Variants in LAMB1 observed in about 807,000 individuals in gnomAD.
The protein encoded by LAMB1 is laminin subunit beta-1.
A neutral mutation model predicts 222.3 loss-of-function variants in LAMB1; 121 were observed. The observed-to-expected ratio is 0.54, with a 90% confidence interval of 0.47 to 0.63. The LOEUF (loss-of-function observed/expected upper bound fraction) is 0.63, where lower values mean the gene tolerates loss of function less well. Among genes scored for constraint, LAMB1 ranks in the 30% least tolerant of loss-of-function variants. The pLI, the probability that LAMB1 is intolerant of heterozygous loss-of-function variation, is 0.00. For missense variants in LAMB1, 2,172 were observed against 2,240.8 expected, an observed-to-expected ratio of 0.97 and a Z score of 0.62; for synonymous variants, 794 against 807.2, an observed-to-expected ratio of 0.98 and a Z score of 0.28.
intron 26 of LAMB1, among the ~76,000 whole-genome samples, chr7:107,935,918 C>G (rs899857944): frequency 4.6e-5 from 7 of 152,186 alleles, no homozygotes; most frequent in African/African-American, 1.4e-4. Context: ...TATACACAAG[C>G]AAACATCCAG....
At chr7:107,947,304 T>C (rs1272753501) in intron 24 of LAMB1, among the ~76,000 whole-genome samples, 1 of 152,264 alleles carries the variant, frequency 6.6e-6, no homozygotes, top group Non-Finnish European at 1.5e-5. Context: ...TATAAGCATA[T>C]TGTTAGCTAG....
intron 21 of LAMB1, among the ~76,000 whole-genome samples, chr7:107,954,236 C>T (rs1196916083): frequency 6.6e-6 from 1 of 152,054 alleles, no homozygotes; most frequent in Non-Finnish European, 1.5e-5. Context: ...CTCACTGCAG[C>T]CCTGAATTTC....
At chr7:107,986,533 T>C (rs1226059954) in intron 5 of LAMB1, among the ~76,000 whole-genome samples, 170 bp from the exon 6 acceptor site, 1 of 152,212 alleles carries the variant, frequency 6.6e-6, no homozygotes, top group Non-Finnish European at 1.5e-5. Flanking sequence ...CCACAGAGAC[T>C]CTTCTTGCAA....
intron 12 of LAMB1, 87 bp from the exon 13 acceptor site, chr7:107,973,158 G>T: frequency 1.9e-6 from 2 of 1,072,256 alleles, no homozygotes; most frequent in Non-Finnish European, 1.4e-6. Flanking sequence ...GCTTGTTTCG[G>T]CTGTTCCACC....
chr7:107,999,487 G>A (rs951447233), intron 3 of LAMB1, among the ~76,000 whole-genome samples: 13 of 152,140 alleles, frequency 8.5e-5, no homozygotes, highest in African/African-American at 2.9e-4. Context: ...TTAACTGACC[G>A]TACTTTTACG....
intron 9 of LAMB1, among the ~76,000 whole-genome samples, chr7:107,977,267 G>A (rs755839861): frequency 6.6e-6 from 1 of 152,144 alleles, no homozygotes; most frequent in Non-Finnish European, 1.5e-5. Flanking sequence ...CTCTTCAAGG[G>A]GAGGACATGC....
chr7:107,946,546 CTT>C (rs2116376274), intron 24 of LAMB1, among the ~76,000 whole-genome samples: 1 of 152,384 alleles, frequency 6.6e-6, no homozygotes, highest in African/African-American at 2.4e-5. Context: ...GGGTGTAAAA[CTT>C]ATATTAGCTA....
rs756852210 is a variant in LAMB1, at chr7:107,940,236, C to A, written c.3514G>T (p.Val1172Phe). 3.1e-6 allele frequency: 5 copies of A among 1,614,064 alleles called. No individual in the cohort carries two copies. The highest frequency in any genetic ancestry group is 4.2e-6 in the Non-Finnish European group (5 of 1,180,034). The change falls in exon 25 of 34, where the codon GTC becomes TTC. Residue 1172 changes from valine (V) to phenylalanine (F), a missense_variant. Transcript: ENST00000222399. ...CDKCTRGYSG[V>F]FPDCTPCHQC... is the part of the protein sequence containing the mutation. ...TGGCAGGGTGTGCAGTCAGGGAAGA[C>A]CCCCGAGTACCCTCGCGTGCACTTG...
chr7:107,958,100 C>G (rs2033415795), intron 20 of LAMB1, among the ~76,000 whole-genome samples: 1 of 152,140 alleles, frequency 6.6e-6, no homozygotes, highest in Admixed American at 6.5e-5. Flanking sequence ...TAATCTTTTT[C>G]TCATGTCTTT....
In LAMB1 at chr7:107,975,967, G is replaced by A. The variant is rs555951584; in HGVS notation, c.1001-90C>T. ...GGCAGGAAGATCCTTTAGGAAACCAGGGACTAAGTTCAGACAAAATGGCAG... is the reference window on the plus strand; with the variant it reads ...GGCAGGAAGATCCTTTAGGAAACCAAGGACTAAGTTCAGACAAAATGGCAG... On this transcript the variant is annotated intron_variant, in intron 9 of 33. Transcript: ENST00000222399. 15 of 1,162,784 alleles carry A rather than the reference G, an allele frequency of 1.3e-5. No homozygotes were observed. In the East Asian group the frequency reaches 3.2e-4, roughly 25 times the overall value. 72.0% of individuals were successfully genotyped at this position (1,162,784 alleles called of 1,614,324 possible).
intron 5 of LAMB1, among the ~76,000 whole-genome samples, chr7:107,991,588 CAAAA>C (rs985284673): frequency 8.4e-6 from 1 of 119,592 alleles, no homozygotes; most frequent in Non-Finnish European, 1.8e-5. Context: ...ACTCCATCCT[CAAAA>C]AAAAAAAAAA....
chr7:107,964,927 A>C (rs1245948779), intron 13 of LAMB1, among the ~76,000 whole-genome samples: 1 of 152,146 alleles, frequency 6.6e-6, no homozygotes, highest in Non-Finnish European at 1.5e-5. Flanking sequence ...CTTGACTAAC[A>C]CGCCGTCCGC....
At chr7:108,001,969 C>G in intron 2 of LAMB1, 2 of 1,448,264 alleles carry the variant, frequency 1.4e-6, no homozygotes, top group East Asian at 5.0e-5. Context: ...GTCTGTCCAG[C>G]AGCGAGAGCC....
At chr7:107,975,484 T>C (rs1584522343) in intron 10 of LAMB1, 71 bp from the exon 11 acceptor site, 2 of 1,407,126 alleles carry the variant, frequency 1.4e-6, no homozygotes, top group Non-Finnish European at 9.6e-7. Flanking sequence ...AATACATATA[T>C]TCCCTTCCTC....
At chr7:107,984,088 T>C (rs950548744) in intron 7 of LAMB1, among the ~76,000 whole-genome samples, 2 of 152,194 alleles carry the variant, frequency 1.3e-5, no homozygotes, top group Admixed American at 1.3e-4. Context: ...TTCAGTATTC[T>C]TTCTTCCCTT....
At chr7:107,983,344 A>T (rs1038253802) in intron 7 of LAMB1, among the ~76,000 whole-genome samples, 12 of 151,976 alleles carry the variant, frequency 7.9e-5, no homozygotes, top group Non-Finnish European at 1.5e-4. Context: ...CCCCGCCTCT[A>T]CTCAACTGGT....
At chr7:107,974,915 C>T (rs1292685570) in intron 12 of LAMB1, 71 bp downstream of exon 12, 26 of 884,056 alleles carry the variant, frequency 2.9e-5, no homozygotes, top group Non-Finnish European at 3.6e-5. Context: ...TCTACAATGG[C>T]GAAAAGGCTT....
chr7:107,966,578 G>T (rs532879948), intron 13 of LAMB1, among the ~76,000 whole-genome samples: 6 of 152,260 alleles, frequency 3.9e-5, no homozygotes, highest in Admixed American at 6.5e-5. Flanking sequence ...TTAGGACCTA[G>T]CCTTCTTTTG....
At chr7:107,993,705 T>A (rs1328850221) in intron 5 of LAMB1, among the ~76,000 whole-genome samples, 1 of 152,222 alleles carries the variant, frequency 6.6e-6, no homozygotes, top group Non-Finnish European at 1.5e-5. Flanking sequence ...AAAGGTAACA[T>A]CCTTGTAGGC....
Sources: gnomAD v4.1 joint callset for allele counts (sites outside exome capture counted in the v4.1 genomes callset) on GRCh38, gnomAD v4.1.1 for gene constraint, MANE v1.5 for transcripts, NCBI Gene and HGNC (gene_info 2026-07-23, HGNC 2026-07-21) for gene names.